PYHIN1: variants seen among roughly 807,000 people sequenced by gnomAD.
PYHIN1 encodes the protein pyrin and HIN domain-containing protein 1.
A neutral mutation model predicts 43.7 loss-of-function variants in PYHIN1; 32 were observed. The observed-to-expected ratio is 0.73, with a 90% CI of 0.55 to 0.98. PYHIN1 has a LOEUF of 0.98. PYHIN1 is among the 50% of genes least tolerant of loss of function. The pLI is 0.00. For missense variants in PYHIN1, 588 were observed against 589.5 expected, an observed-to-expected ratio of 1.00 and a Z score of 0.03; for synonymous variants, 205 against 203.1, an observed-to-expected ratio of 1.01 and a Z score of -0.08.
At chr1:158,951,328 T>A (rs1377285346) in intron 7 of PYHIN1, among the ~76,000 whole-genome samples, 1 of 152,120 alleles carries the variant, frequency 6.6e-6, no homozygotes, top group African/African-American at 2.4e-5. Flanking sequence ...GTAATAAAAA[T>A]AGGATGTGTA....
the PYHIN1 span, among the ~76,000 whole-genome samples, chr1:158,987,600 C>CAA: frequency 6.6e-6 from 1 of 152,122 alleles, no homozygotes; most frequent in Non-Finnish European, 1.5e-5. Context: ...ATCTTAGAAT[C>CAA]TATTGCCAAA....
intron 6 of PYHIN1, among the ~76,000 whole-genome samples, chr1:158,944,310 T>C (rs1649098325): frequency 1.3e-5 from 2 of 152,212 alleles, no homozygotes; most frequent in Non-Finnish European, 2.9e-5. Context: ...ATTGGTTGCA[T>C]GATATTGGAG....
chr1:158,963,049 A>G (rs1650417670), intron 7 of PYHIN1, among the ~76,000 whole-genome samples: 1 of 151,994 alleles, frequency 6.6e-6, no homozygotes, highest in Non-Finnish European at 1.5e-5. Context: ...CTCCTCAACG[A>G]GCTGAGCCCC....
chr1:158,987,526 C>T, the PYHIN1 span, among the ~76,000 whole-genome samples: 6,272 of 152,028 alleles, frequency 0.041, 354 homozygotes, highest in East Asian at 0.26. Flanking sequence ...TTATTTGATA[C>T]GTAAAAGTTT....
the PYHIN1 span, among the ~76,000 whole-genome samples, chr1:158,986,976 A>G: frequency 6.6e-6 from 1 of 152,160 alleles, no homozygotes; most frequent in Non-Finnish European, 1.5e-5. Flanking sequence ...TTTTTTAAGA[A>G]ACCTCTATAA....
intron 8 of PYHIN1, among the ~76,000 whole-genome samples, chr1:158,974,251 A>C (rs1651113803): frequency 6.6e-6 from 1 of 152,014 alleles, no homozygotes; most frequent in African/African-American, 2.4e-5. Flanking sequence ...TTCTGGGCCA[A>C]CCAAAATCCC....
rs1453066969 is a variant in PYHIN1 at position 158,976,913 on chromosome 1, T to C, written c.*218T>C. The C allele has an allele frequency of 1.2e-5, 2 of 168,358 alleles. No homozygotes were observed. Among genetic ancestry groups the C allele is most frequent in the African/African-American group, 6.6e-5 (2 of 30,378 alleles). The allele number at this position is 168,358 out of a possible 1,614,324, so 10.4% of individuals were successfully genotyped here. A position where few individuals can be genotyped will look rare whatever the true frequency, so the allele number is the denominator to read the frequency against. On this transcript the variant is annotated 3_prime_UTR_variant, in exon 9 of 9. Transcript: ENST00000368140. ...ATATATATATATATATATATATATA[T>C]ATACCAGCTATTAATTCTAGGAAAT...
At chr1:158,964,030 T>TA (rs1196430822) in intron 7 of PYHIN1, among the ~76,000 whole-genome samples, 1 of 152,010 alleles carries the variant, frequency 6.6e-6, no homozygotes, top group Non-Finnish European at 1.5e-5. Context: ...ATGGCCATCA[T>TA]AAAAAAGAAC....
intron 7 of PYHIN1, among the ~76,000 whole-genome samples, chr1:158,953,693 C>A (rs1649731704): frequency 1.3e-5 from 2 of 152,210 alleles, no homozygotes; most frequent in Non-Finnish European, 2.9e-5. Context: ...ACACACAGTG[C>A]CTCTCCTCCT....
At chr1:158,957,815 G>A (rs1339798877) in intron 7 of PYHIN1, among the ~76,000 whole-genome samples, 17 of 147,472 alleles carry the variant, frequency 1.2e-4, no homozygotes, top group African/African-American at 3.0e-4. Context: ...AGAGTGAACA[G>A]GCAACCTACA....
chr1:158,975,802 G>A (rs1651221734), intron 8 of PYHIN1, among the ~76,000 whole-genome samples: 1 of 152,060 alleles, frequency 6.6e-6, no homozygotes. Context: ...TACATCAATA[G>A]AGACATAGTT....
intron 7 of PYHIN1, among the ~76,000 whole-genome samples, chr1:158,970,767 T>C (rs1425326749): frequency 1.3e-5 from 2 of 151,988 alleles, no homozygotes; most frequent in Non-Finnish European, 2.9e-5. Flanking sequence ...ATAATAATGA[T>C]ATTTCTTCTT....
intron 7 of PYHIN1, among the ~76,000 whole-genome samples, chr1:158,955,469 C>T (rs1341481435): frequency 1.3e-5 from 2 of 151,946 alleles, no homozygotes; most frequent in Non-Finnish European, 2.9e-5. Flanking sequence ...CGCTCAACTA[C>T]ATGGAAACTG....
At chr1:158,952,898 C>A (rs904543548) in intron 7 of PYHIN1, among the ~76,000 whole-genome samples, 1 of 152,190 alleles carries the variant, frequency 6.6e-6, no homozygotes, top group Non-Finnish European at 1.5e-5. Context: ...TGGGTGCACG[C>A]ACCATGCGCG....
At chr1:158,982,131 T>A in the PYHIN1 span, among the ~76,000 whole-genome samples, 2 of 152,298 alleles carry the variant, frequency 1.3e-5, no homozygotes, top group South Asian at 4.1e-4. Context: ...GTACAGAAGA[T>A]CTTTAATTAG....
chr1:158,950,881 A>G (rs1209739709), intron 7 of PYHIN1, among the ~76,000 whole-genome samples: 1 of 152,194 alleles, frequency 6.6e-6, no homozygotes, highest in East Asian at 1.9e-4. Context: ...AAGCTGGACC[A>G]TTATCAGTTT....
chr1:158,939,443 G>A (rs1465693762), intron 4 of PYHIN1, 196 bp downstream of exon 4: 3 of 1,552,318 alleles, frequency 1.9e-6, no homozygotes, highest in African/African-American at 2.7e-5. Flanking sequence ...ACTGCAGGAA[G>A]TTTTCTGTCC....
chr1:158,988,885 GGGC>G, the PYHIN1 span, among the ~76,000 whole-genome samples: 4 of 152,246 alleles, frequency 2.6e-5, no homozygotes, highest in African/African-American at 9.6e-5. Flanking sequence ...ACCCCCACTG[GGGC>G]TGGATAACCT....
intron 7 of PYHIN1, among the ~76,000 whole-genome samples, chr1:158,953,688 C>T (rs897237133): frequency 6.6e-6 from 1 of 152,214 alleles, no homozygotes; most frequent in Non-Finnish European, 1.5e-5. Flanking sequence ...CTAAAACACA[C>T]AGTGCCTCTC....
Sources: allele counts gnomAD v4.1 joint callset (sites outside exome capture counted in the v4.1 genomes callset), GRCh38; gene constraint gnomAD v4.1.1; transcripts MANE v1.5; gene names NCBI Gene and HGNC (gene_info 2026-07-23, HGNC 2026-07-21).